PAX5: variants seen among roughly 807,000 people sequenced by gnomAD.
PAX5 encodes the protein paired box protein Pax-5.
Under a neutral mutation model 43.7 loss-of-function variants are expected in PAX5, and 9 were observed. The ratio of observed to expected loss-of-function variants is 0.21; its 90% confidence interval spans 0.12 to 0.36. The LOEUF is 0.36. Ranked by LOEUF, PAX5 falls within the 10% of genes least tolerant of loss-of-function variation. The pLI, the probability that PAX5 is intolerant of heterozygous loss-of-function variation, is 1.00. For synonymous variants in PAX5, 228 were observed against 214.3 expected (o/e 1.06, Z -0.56); for missense variants, 383 against 532.7 (o/e 0.72, Z 2.77).
At chr9:37,017,806 T>G (rs891730419) in intron 2 of PAX5, among the ~76,000 whole-genome samples, 1 of 152,180 alleles carries the variant, frequency 6.6e-6, no homozygotes, top group Non-Finnish European at 1.5e-5. Flanking sequence ...CTGTCGTCCT[T>G]TTGACTGACA....
At chr9:36,995,045 AG>A (rs1302658340) in intron 5 of PAX5, among the ~76,000 whole-genome samples, 22 of 152,278 alleles carry the variant, frequency 1.4e-4, no homozygotes, top group Admixed American at 1.4e-3. Flanking sequence ...CTCTACATCC[AG>A]GGGACAGCAC....
In PAX5 at chr9:36,882,222, GCC is replaced by G; in HGVS notation, c.911-119_911-118del. 1.4e-6 allele frequency: 1 copy of G among 722,950 alleles called. No homozygotes were observed. Among genetic ancestry groups the G allele is most frequent in the Non-Finnish European group, 2.2e-6 (1 of 445,000 alleles). 44.8% of individuals were successfully genotyped at this position (722,950 alleles called of 1,614,324 possible). On this transcript the variant is annotated intron_variant, in intron 7 of 9. Transcript: ENST00000358127. The surrounding 1 kb of genome is among the most constrained non-coding windows in gnomAD (Gnocchi z 4.4). ...ACGTTTGGACGCTGAACGGCAATGT[GCC>G]CCCAGCTCCCCCCTGTCGCTCACAC...
chr9:36,902,486 A>T (rs916753633), intron 7 of PAX5, among the ~76,000 whole-genome samples: 2 of 152,236 alleles, frequency 1.3e-5, no homozygotes, highest in African/African-American at 4.8e-5. Context: ...TTCATCCGGG[A>T]GGGTGCCGTG....
intron 5 of PAX5, among the ~76,000 whole-genome samples, chr9:36,968,904 TATGCACACACACAC>T (rs1317539476): frequency 1.7e-4 from 26 of 152,262 alleles, no homozygotes; most frequent in Admixed American, 1.5e-3. Context: ...TCAAAGGTTC[TATGCACACACACAC>T]ATGCACACAC....
intron 8 of PAX5, among the ~76,000 whole-genome samples, chr9:36,879,747 C>T (rs1156634052): frequency 5.3e-5 from 8 of 152,226 alleles, no homozygotes; most frequent in Non-Finnish European, 1.0e-4. Context: ...AGGGGAAGTC[C>T]GTGTTCTATA....
At chr9:36,946,710 C>G (rs186276233) in intron 6 of PAX5, among the ~76,000 whole-genome samples, 1 of 152,322 alleles carries the variant, frequency 6.6e-6, no homozygotes, top group Admixed American at 6.5e-5. Context: ...CACCAGGACA[C>G]TTTGCGGTTT....
intron 5 of PAX5, among the ~76,000 whole-genome samples, chr9:36,993,915 C>T (rs1310150934): frequency 2.0e-5 from 3 of 152,206 alleles, no homozygotes; most frequent in Admixed American, 1.3e-4. Context: ...CAGTACACCA[C>T]CCCATGGGAA....
intron 6 of PAX5, among the ~76,000 whole-genome samples, chr9:36,933,075 C>G (rs907106291): frequency 6.7e-6 from 1 of 148,556 alleles, no homozygotes. Flanking sequence ...ACCCCAGAGG[C>G]GAACTTTGCA....
At chr9:36,887,541 A>G (rs942577469) in intron 7 of PAX5, among the ~76,000 whole-genome samples, 1 of 152,264 alleles carries the variant, frequency 6.6e-6, no homozygotes, top group African/African-American at 2.4e-5. Flanking sequence ...CTCTACAAGT[A>G]CTAGAAGAAA....
intron 7 of PAX5, among the ~76,000 whole-genome samples, chr9:36,889,850 G>A (rs531070903): frequency 2.7e-5 from 4 of 149,110 alleles, no homozygotes; most frequent in African/African-American, 9.8e-5. Flanking sequence ...AAATAACCAG[G>A]CCTGATTGAT....
intron 1 of PAX5, among the ~76,000 whole-genome samples, chr9:37,027,930 G>T (rs984454627): frequency 6.6e-6 from 1 of 152,242 alleles, no homozygotes; most frequent in African/African-American, 2.4e-5. Flanking sequence ...TGACAAACGC[G>T]CTGGACTAAG....
intron 5 of PAX5, among the ~76,000 whole-genome samples, chr9:36,977,731 C>T (rs1835563609): frequency 6.6e-6 from 1 of 152,150 alleles, no homozygotes; most frequent in Admixed American, 6.5e-5. Flanking sequence ...GGGGTTTCAC[C>T]ATGTTGGCCA....
At chr9:36,987,410 C>G (rs376585359) in intron 5 of PAX5, among the ~76,000 whole-genome samples, 2 of 152,254 alleles carry the variant, frequency 1.3e-5, no homozygotes, top group East Asian at 3.8e-4. Context: ...CAATGATACT[C>G]TCATAGGCAA....
At chr9:36,921,973 C>T (rs750084686) in intron 7 of PAX5, among the ~76,000 whole-genome samples, 5 of 152,182 alleles carry the variant, frequency 3.3e-5, no homozygotes, top group Non-Finnish European at 5.9e-5. Context: ...AGATGGGCTC[C>T]CCGGCTCCCT....
chr9:36,888,640 A>T (rs966253254), intron 7 of PAX5, among the ~76,000 whole-genome samples: 5 of 152,228 alleles, frequency 3.3e-5, no homozygotes, highest in African/African-American at 1.2e-4. Context: ...ACAGGCAAAG[A>T]CATGAAGGGA....
chr9:36,913,846 G>T (rs1200523588), intron 7 of PAX5, among the ~76,000 whole-genome samples: 1 of 152,154 alleles, frequency 6.6e-6, no homozygotes, highest in Non-Finnish European at 1.5e-5. Context: ...TCTGGGCTTT[G>T]TGGGGAGGGA....
intron 6 of PAX5, among the ~76,000 whole-genome samples, chr9:36,929,235 G>GAGGAAGGAAGGAAGGAAGAAAGGA (rs1830915673): frequency 1.5e-5 from 2 of 134,354 alleles, no homozygotes; most frequent in African/African-American, 2.8e-5. Context: ...AGGAAGGAAG[G>GAGGAAGGAAGGAAGGAAGAAAGGA]AGGAAGGAAG....
chr9:36,947,665 TATATG>T lies in PAX5; in HGVS notation c.780+18879_780+18883del, dbSNP rs563911583. On this transcript the variant is annotated intron_variant, in intron 6 of 9. Coordinates refer to ENST00000358127, the MANE Select transcript of PAX5 (RefSeq NM_016734.3). ...GATATTACATTACTGTATTACATAT[TATATG>T]ATGTTTCATTATATTATATTTGTAC... Among the ~76,000 whole-genome samples, 448 of 152,310 alleles carry T rather than the reference TATATG, an allele frequency of 2.9e-3. 4 individuals carry two copies. The highest frequency in any genetic ancestry group is 0.01 in the African/African-American group (424 of 41,554).
intron 6 of PAX5, among the ~76,000 whole-genome samples, chr9:36,946,925 G>A (rs530686286): frequency 6.6e-6 from 1 of 152,150 alleles, no homozygotes; most frequent in Non-Finnish European, 1.5e-5. Flanking sequence ...GGCCAAAACA[G>A]GAGGGAAGTG....
Sources: allele counts gnomAD v4.1 joint callset (sites outside exome capture counted in the v4.1 genomes callset), GRCh38; gene constraint gnomAD v4.1.1; non-coding constraint Gnocchi (gnomAD v3.1); transcripts MANE v1.5; gene names NCBI Gene and HGNC (gene_info 2026-07-23, HGNC 2026-07-21).